DPY19L3: variants seen among roughly 807,000 people sequenced by gnomAD.
The protein encoded by DPY19L3 is dpy-19 like C-mannosyltransferase 3.
DPY19L3 carries 51 observed loss-of-function variants against 92.3 expected under a neutral mutation model. That is an observed-to-expected ratio of 0.55 (90% CI 0.44 to 0.70). DPY19L3 has a LOEUF of 0.70. Ranked by LOEUF, DPY19L3 falls within the 30% of genes least tolerant of loss-of-function variation. The probability of loss-of-function intolerance (pLI) is 0.00; values close to 1 mark genes in which losing one functional copy is unlikely to be tolerated. For synonymous variants in DPY19L3, 309 were observed against 315.2 expected, an observed-to-expected ratio of 0.98 and a Z score of 0.21; for missense variants, 706 against 855.9, an observed-to-expected ratio of 0.82 and a Z score of 2.18.
At chr19:32,443,801 T>G (rs1468445679) in intron 8 of DPY19L3, among the ~76,000 whole-genome samples, 1 of 152,166 alleles carries the variant, frequency 6.6e-6, no homozygotes, top group Non-Finnish European at 1.5e-5. Context: ...GGCTCATGCC[T>G]GTAATCTCAG....
At chr19:32,466,758 G>A (rs556584403) in intron 15 of DPY19L3, among the ~76,000 whole-genome samples, 1 of 152,366 alleles carries the variant, frequency 6.6e-6, no homozygotes, top group Admixed American at 6.5e-5. Context: ...AGTCTCTCTT[G>A]ATACAGGAGT....
chr19:32,419,882 C>T (rs1449778245), intron 3 of DPY19L3, among the ~76,000 whole-genome samples: 2 of 124,822 alleles, frequency 1.6e-5, no homozygotes, highest in Non-Finnish European at 3.2e-5. Context: ...TTTTTTGAGA[C>T]GGAGCCTTGC....
rs749775041 is a variant in DPY19L3, at chr19:32,419,254, G to A, written c.237+7882G>A. ...CGGCTCCCTGCAAGCTCCACCTCCC[G>A]GGTTCGCGCCATTCTCCTGCCTCAG... On this transcript the variant is annotated intron_variant, in intron 3 of 18. Transcript: ENST00000392250. 7.9e-5 allele frequency among the ~76,000 whole-genome samples: 12 copies of A among 151,036 alleles called. No individual in the cohort carries two copies. In the East Asian group the frequency reaches 1.2e-3, roughly 15 times the overall value.
intron 8 of DPY19L3, among the ~76,000 whole-genome samples, chr19:32,446,820 A>G (rs1969514435): frequency 6.6e-6 from 1 of 152,194 alleles, no homozygotes. Flanking sequence ...CAGACAGAAA[A>G]TCATCAGAGA....
At chr19:32,422,794 G>T (rs78414510) in intron 3 of DPY19L3, among the ~76,000 whole-genome samples, 2,530 of 152,256 alleles carry the variant, frequency 0.017, 73 homozygotes, top group African/African-American at 0.057. Flanking sequence ...CTCTGAAGTT[G>T]CTGAACTTAA....
Position 32,483,496 on chromosome 19 carries a change from C to G in DPY19L3, c.*1256C>G, listed in dbSNP as rs534862888. ...GATGGCTAATGGAATTAACTTTCTC[C>G]CCTGTTCTTGCCAGGTGGAAATGAT... On this transcript the variant is annotated 3_prime_UTR_variant, in exon 19 of 19. Transcript: ENST00000392250. 2 of 152,484 alleles carry G rather than the reference C, an allele frequency of 1.3e-5. No homozygotes were observed. Among genetic ancestry groups the G allele is most frequent in the Non-Finnish European group, 2.9e-5 (2 of 68,008 alleles). 9.4% of individuals were successfully genotyped at this position (152,484 alleles called of 1,614,324 possible). A position where few individuals can be genotyped will look rare whatever the true frequency, so the allele number is the denominator to read the frequency against.
At chr19:32,445,205 G>A (rs1029174992) in intron 8 of DPY19L3, among the ~76,000 whole-genome samples, 11 of 151,766 alleles carry the variant, frequency 7.2e-5, no homozygotes, top group African/African-American at 2.4e-4. Context: ...ACTTTGGGAG[G>A]CCGAGGCAGA....
chr19:32,419,363 G>T (rs1599594552), intron 3 of DPY19L3, among the ~76,000 whole-genome samples: 1 of 152,010 alleles, frequency 6.6e-6, no homozygotes, highest in Non-Finnish European at 1.5e-5. Context: ...GAGTTTCACA[G>T]TGTTAGCCAG....
chr19:32,461,903 C>A (rs1326221694), intron 12 of DPY19L3, among the ~76,000 whole-genome samples: 1 of 152,154 alleles, frequency 6.6e-6, no homozygotes, highest in Non-Finnish European at 1.5e-5. Context: ...GTGTGCTTCC[C>A]GGTGTAATGT....
chr19:32,429,040 G>C (rs967549643), intron 3 of DPY19L3, among the ~76,000 whole-genome samples: 1 of 151,972 alleles, frequency 6.6e-6, no homozygotes, highest in African/African-American at 2.4e-5. Context: ...GTAGAGACGG[G>C]GTTTCACCAT....
intron 1 of DPY19L3, 103 bp from the exon 2 acceptor site, chr19:32,408,114 A>T (rs1485349411): frequency 1.3e-5 from 8 of 631,632 alleles, no homozygotes; most frequent in South Asian, 2.0e-5. Flanking sequence ...AGGGCATGCT[A>T]ATAGAGGGAA....
At position 32,484,160 on chromosome 19, in the gene DPY19L3, C is replaced by T. The variant is rs183806897; in HGVS notation, c.*1920C>T. The T allele has an allele frequency of 6.6e-6, 1 of 152,392 alleles. No individual in the cohort carries two copies. The highest frequency in any genetic ancestry group is 6.5e-5 in the Admixed American group (1 of 15,274). 9.4% of individuals were successfully genotyped at this position (152,392 alleles called of 1,614,324 possible). On this transcript the variant is annotated 3_prime_UTR_variant, in exon 19 of 19. Coordinates refer to ENST00000392250, the MANE Select transcript of DPY19L3 (RefSeq NM_001172774.2). ...AGTTTAGGTGTCATTGTTGCCAGCACCTTTAGTGCTCAGTCTTCAGTGAAA... is the reference window on the plus strand; with the variant it reads ...AGTTTAGGTGTCATTGTTGCCAGCATCTTTAGTGCTCAGTCTTCAGTGAAA...
intron 3 of DPY19L3, among the ~76,000 whole-genome samples, chr19:32,432,169 A>G (rs116560225): frequency 9.6e-4 from 146 of 152,322 alleles, no homozygotes; most frequent in African/African-American, 3.3e-3. Context: ...GCTAATAGCT[A>G]TTTAAGTTTT....
chr19:32,463,347 A>G lies in DPY19L3; in HGVS notation c.1323-19A>G. ...ATTATGTTTCCAGCTTAAATTTTGT[A>G]TGTTGCTGTTTTACTCAGTGATTCT... On this transcript the variant is annotated intron_variant, in intron 12 of 18. Coordinates refer to ENST00000392250, the MANE Select transcript of DPY19L3 (RefSeq NM_001172774.2). The G allele has an allele frequency of 1.2e-6, 2 of 1,612,204 alleles. No homozygotes were observed. The highest frequency in any genetic ancestry group is 1.7e-6 in the Non-Finnish European group (2 of 1,179,220).
intron 6 of DPY19L3, 77 bp from the exon 7 acceptor site, chr19:32,439,035 A>G (rs1599625692): frequency 1.3e-6 from 2 of 1,501,520 alleles, no homozygotes; most frequent in East Asian, 2.3e-5. Flanking sequence ...AATGTAATAT[A>G]TCTTTCGTTG....
At chr19:32,414,630 A>G (rs891571332) in intron 3 of DPY19L3, among the ~76,000 whole-genome samples, 1 of 152,118 alleles carries the variant, frequency 6.6e-6, no homozygotes, top group Non-Finnish European at 1.5e-5. Context: ...GCGATTCCCT[A>G]GAATTAAACC....
chr19:32,468,134 T>G, intron 15 of DPY19L3: 1 of 965,304 alleles, frequency 1.0e-6, no homozygotes, highest in Non-Finnish European at 1.2e-6. Flanking sequence ...GCTCTGCCGC[T>G]TGTGACTTGG....
At position 32,408,352 on chromosome 19, in the gene DPY19L3, A is replaced by C. The variant is rs374694481; in HGVS notation, c.99A>C (p.Pro33=). ...ATGTGAAGTTGGAAAATAAATTGCC[A>C]TCTGGTAGGTGATTTAAACTAAAGC... is the stretch of plus-strand genomic sequence containing the variant. ...EENVKLENKL[P]SGCTSRRLWK... The change falls in exon 2 of 19, where the codon CCA becomes CCC. Residue 33 remains proline, a synonymous_variant. Coordinates refer to ENST00000392250, the MANE Select transcript of DPY19L3 (RefSeq NM_001172774.2). The C allele has an allele frequency of 1.2e-6, 2 of 1,612,118 alleles. No homozygotes were observed. The highest frequency in any genetic ancestry group is 1.7e-6 in the Non-Finnish European group (2 of 1,178,558).
At chr19:32,444,815 A>G (rs1969433484) in intron 8 of DPY19L3, among the ~76,000 whole-genome samples, 1 of 151,690 alleles carries the variant, frequency 6.6e-6, no homozygotes, top group Admixed American at 6.6e-5. Context: ...GGGCACAGTG[A>G]CTCACGCCTG....
Sources: allele counts gnomAD v4.1 joint callset (sites outside exome capture counted in the v4.1 genomes callset), GRCh38; gene constraint gnomAD v4.1.1; transcripts MANE v1.5; gene names NCBI Gene and HGNC (gene_info 2026-07-23, HGNC 2026-07-21).